CSMD1: variants seen among roughly 807,000 people sequenced by gnomAD.
The protein encoded by CSMD1 is CUB and sushi domain-containing protein 1.
CSMD1 carries 213 observed loss-of-function variants against 417.5 expected under a neutral mutation model. The observed-to-expected ratio is 0.51, with a 90% CI of 0.46 to 0.57. The LOEUF is 0.57. Among genes scored for constraint, CSMD1 ranks in the 20% least tolerant of loss-of-function variants. The probability of loss-of-function intolerance (pLI) is 0.00; values close to 1 mark genes in which losing one functional copy is unlikely to be tolerated. For synonymous variants in CSMD1, 2,862 were observed against 1,736.8 expected (o/e 1.65, Z -16.11); for missense variants, 6,923 against 4,529.7 (o/e 1.53, Z -15.17).
chr8:4,931,392 G>C (rs191365997), intron 1 of CSMD1, among the ~76,000 whole-genome samples: 7 of 152,230 alleles, frequency 4.6e-5, no homozygotes, highest in Admixed American at 3.9e-4. Context: ...AATACTTCCT[G>C]AGTGACACTG....
At chr8:4,109,532 G>A (rs1049527619) in intron 3 of CSMD1, among the ~76,000 whole-genome samples, 2 of 152,128 alleles carry the variant, frequency 1.3e-5, no homozygotes, top group African/African-American at 2.4e-5. Flanking sequence ...AGTAGTCACT[G>A]AAGTTTTCAG....
At chr8:4,760,015 T>G (rs1432172174) in intron 1 of CSMD1, among the ~76,000 whole-genome samples, 1 of 152,190 alleles carries the variant, frequency 6.6e-6, no homozygotes, top group Non-Finnish European at 1.5e-5. Flanking sequence ...TTGAACTAAT[T>G]TACATTCCAC....
chr8:3,960,687 G>T (rs73492649), intron 5 of CSMD1, among the ~76,000 whole-genome samples: 1 of 151,664 alleles, frequency 6.6e-6, no homozygotes, highest in Middle Eastern at 3.5e-3. Context: ...TTTTTATAAA[G>T]ATAAATTTAA....
intron 3 of CSMD1, among the ~76,000 whole-genome samples, chr8:4,340,487 A>C (rs986827468): frequency 6.6e-6 from 1 of 152,088 alleles, no homozygotes; most frequent in African/African-American, 2.4e-5. Flanking sequence ...TGAACTCCTC[A>C]TGGTCGAGTC....
intron 5 of CSMD1, among the ~76,000 whole-genome samples, chr8:3,994,337 A>G (rs543125776): frequency 6.6e-6 from 1 of 151,512 alleles, no homozygotes; most frequent in African/African-American, 2.4e-5. Context: ...GTTAACCATC[A>G]TGTCTTAATT....
At chr8:4,364,303 G>C (rs955265818) in intron 3 of CSMD1, among the ~76,000 whole-genome samples, 1 of 152,104 alleles carries the variant, frequency 6.6e-6, no homozygotes, top group Non-Finnish European at 1.5e-5. Flanking sequence ...GGAACATTAA[G>C]GTCCTCTTGA....
intron 3 of CSMD1, among the ~76,000 whole-genome samples, chr8:4,282,640 C>A (rs937631907): frequency 6.6e-6 from 1 of 152,244 alleles, no homozygotes; most frequent in Non-Finnish European, 1.5e-5. Flanking sequence ...ATGCATTCAC[C>A]TTTTCAGTTT....
chr8:4,757,198 G>C (rs934301221), intron 1 of CSMD1, among the ~76,000 whole-genome samples: 2 of 152,130 alleles, frequency 1.3e-5, no homozygotes, highest in South Asian at 2.1e-4. Context: ...ATCAATATTA[G>C]TTTAGCTGTT....
intron 50 of CSMD1, among the ~76,000 whole-genome samples, chr8:3,050,105 T>TAAA (rs11402129): frequency 9.2e-5 from 13 of 140,566 alleles, no homozygotes; most frequent in East Asian, 2.1e-4. Context: ...CTAGAGAACT[T>TAAA]AAAAAAAAAA....
At chr8:4,567,092 T>C (rs1315124532) in intron 2 of CSMD1, among the ~76,000 whole-genome samples, 1 of 150,962 alleles carries the variant, frequency 6.6e-6, no homozygotes, top group Non-Finnish European at 1.5e-5. Flanking sequence ...TTAATCTGTA[T>C]TTTAAAATGT....
chr8:4,014,823 A>C (rs1259950679), intron 4 of CSMD1, among the ~76,000 whole-genome samples: 1 of 152,148 alleles, frequency 6.6e-6, no homozygotes, highest in Non-Finnish European at 1.5e-5. Context: ...CTATAACCTA[A>C]CATGGTATCT....
At chr8:3,453,195 T>G (rs1221307565) in intron 12 of CSMD1, among the ~76,000 whole-genome samples, 2 of 152,202 alleles carry the variant, frequency 1.3e-5, no homozygotes, top group Non-Finnish European at 2.9e-5. Flanking sequence ...TCTATTTGAT[T>G]CTTTTCTCTT....
intron 16 of CSMD1, among the ~76,000 whole-genome samples, chr8:3,397,359 G>T (rs1811766472): frequency 6.6e-6 from 1 of 152,182 alleles, no homozygotes; most frequent in Non-Finnish European, 1.5e-5. Flanking sequence ...ATGGCGTGTA[G>T]CAACAGAAAA....
intron 2 of CSMD1, among the ~76,000 whole-genome samples, chr8:4,454,871 C>A (rs1799375153): frequency 6.6e-6 from 1 of 152,116 alleles, no homozygotes; most frequent in South Asian, 2.1e-4. Flanking sequence ...GAAACTTAAT[C>A]TAAATGGCGT....
chr8:4,837,693 G>C (rs552011808), intron 1 of CSMD1, among the ~76,000 whole-genome samples: 1 of 152,106 alleles, frequency 6.6e-6, no homozygotes, highest in Non-Finnish European at 1.5e-5. Context: ...TCTACTATTT[G>C]ATATCACAAT....
At chr8:4,183,518 C>T (rs1798494192) in intron 3 of CSMD1, among the ~76,000 whole-genome samples, 1 of 152,164 alleles carries the variant, frequency 6.6e-6, no homozygotes, top group South Asian at 2.1e-4. Context: ...CATGCACAGA[C>T]ATTACTGGTT....
At chr8:3,957,348 C>T (rs1029164745) in intron 5 of CSMD1, among the ~76,000 whole-genome samples, 6 of 152,010 alleles carry the variant, frequency 3.9e-5, no homozygotes, top group African/African-American at 1.5e-4. Context: ...TGAGTGTGTT[C>T]TACGTGCTAG....
chr8:4,705,519 G>C (rs1227434960), intron 1 of CSMD1, among the ~76,000 whole-genome samples: 1 of 152,186 alleles, frequency 6.6e-6, no homozygotes. Context: ...AACGCGCACA[G>C]CCTTTATCTC....
At chr8:3,767,444 A>G (rs1798339607) in intron 5 of CSMD1, among the ~76,000 whole-genome samples, 1 of 152,202 alleles carries the variant, frequency 6.6e-6, no homozygotes, top group East Asian at 1.9e-4. Context: ...GATATGTGCT[A>G]CTGCAGACTG....
Sources: gnomAD v4.1 joint callset for allele counts (sites outside exome capture counted in the v4.1 genomes callset) on GRCh38, gnomAD v4.1.1 for gene constraint, MANE v1.5 for transcripts, NCBI Gene and HGNC (gene_info 2026-07-23, HGNC 2026-07-21) for gene names.